TIMM44: variants seen among roughly 807,000 people sequenced by gnomAD.
TIMM44 encodes the protein mitochondrial import inner membrane translocase subunit TIM44.
TIMM44 carries 37 observed loss-of-function variants against 63.8 expected under a neutral mutation model. The observed-to-expected ratio is 0.58, with a 90% CI of 0.45 to 0.76. The LOEUF (loss-of-function observed/expected upper bound fraction) is 0.76, where lower values mean the gene tolerates loss of function less well. Among genes scored for constraint, TIMM44 ranks in the 30% least tolerant of loss-of-function variants. The pLI, the probability that TIMM44 is intolerant of heterozygous loss-of-function variation, is 0.00. For missense variants in TIMM44, 573 were observed against 603.8 expected, an observed-to-expected ratio of 0.95 and a Z score of 0.54; for synonymous variants, 239 against 245.1, an observed-to-expected ratio of 0.98 and a Z score of 0.23.
intron 2 of TIMM44, among the ~76,000 whole-genome samples, chr19:7,939,374 G>T (rs1488307509): frequency 6.6e-6 from 1 of 152,168 alleles, no homozygotes; most frequent in Non-Finnish European, 1.5e-5. Context: ...CACTTTGGGA[G>T]GCCAAGGTGG....
Position 7,932,777 on chromosome 19 carries a change from G to A in TIMM44, c.863-26C>T, listed in dbSNP as rs373498872. 111 of 1,613,452 alleles carry A rather than the reference G, an allele frequency of 6.9e-5. 1 individual carries two copies. Among genetic ancestry groups the A allele is most frequent in the Admixed American group, 4.8e-4 (29 of 60,008 alleles). ...CTGCAGGGAGCAGAGCCGGGAGTTC[G>A]GGGGGAAGGCCGGGGACCCCGCCCC... On this transcript the variant is annotated intron_variant, in intron 8 of 12. Coordinates refer to ENST00000270538, the MANE Select transcript of TIMM44 (RefSeq NM_006351.4).
chr19:7,942,337 C>A (rs996124922), intron 1 of TIMM44, among the ~76,000 whole-genome samples: 1 of 152,088 alleles, frequency 6.6e-6, no homozygotes, highest in Non-Finnish European at 1.5e-5. Flanking sequence ...TGCCTGTAAT[C>A]CCGATACTTT....
intron 10 of TIMM44, 144 bp from the exon 11 acceptor site, chr19:7,928,310 G>T (rs1280163062): frequency 2.1e-5 from 14 of 660,750 alleles, no homozygotes; most frequent in South Asian, 7.2e-5. Context: ...GTCCAAGTGG[G>T]GAGGCAGGTG....
chr19:7,933,391 C>T lies in TIMM44; in HGVS notation c.769+94G>A, dbSNP rs961751154. ...GACCCCGATCTCCTCCTCTGCAAAA[C>T]GGGGCTGTCTTGTGCCCAATGCAGG... is the stretch of plus-strand genomic sequence containing the variant. On this transcript the variant is annotated intron_variant, in intron 7 of 12. Coordinates refer to ENST00000270538, the MANE Select transcript of TIMM44 (RefSeq NM_006351.4). The surrounding 1 kb of genome is among the most constrained non-coding windows in gnomAD (Gnocchi z 4.3). 63 of 1,119,354 alleles carry T rather than the reference C, an allele frequency of 5.6e-5. No homozygotes were observed. Among genetic ancestry groups the T allele is most frequent in the South Asian group, 9.9e-5 (8 of 80,952 alleles). 69.3% of individuals were successfully genotyped at this position (1,119,354 alleles called of 1,614,324 possible).
intron 10 of TIMM44, among the ~76,000 whole-genome samples, chr19:7,929,935 G>A (rs889304156): frequency 5.3e-5 from 8 of 150,286 alleles, no homozygotes; most frequent in African/African-American, 9.8e-5. Context: ...TGCAGCCTCC[G>A]CCTCCTGGGT....
chr19:7,927,077 GGGCAGA>G lies in TIMM44; in HGVS notation c.*104_*109del. The G allele has an allele frequency of 2.0e-6, 3 of 1,468,924 alleles. No individual in the cohort carries two copies. The highest frequency in any genetic ancestry group is 2.8e-6 in the Non-Finnish European group (3 of 1,088,192). 91.0% of individuals were successfully genotyped at this position (1,468,924 alleles called of 1,614,324 possible). A position where few individuals can be genotyped will look rare whatever the true frequency, so the allele number is the denominator to read the frequency against. ...CTTGCAGCCGTCCTGGCAGAGCTGGGGGCAGAGCCCGCAGTCTTGTTCCCAGAGGTC... is the reference window on the plus strand; with the variant it reads ...CTTGCAGCCGTCCTGGCAGAGCTGGGGCCCGCAGTCTTGTTCCCAGAGGTC... On this transcript the variant is annotated 3_prime_UTR_variant, in exon 13 of 13. Transcript: ENST00000270538.
Position 7,927,088 on chromosome 19 carries a change from G to C in TIMM44, c.*99C>G. 22 of 1,490,456 alleles carry C rather than the reference G, an allele frequency of 1.5e-5. No individual in the cohort carries two copies. The highest frequency in any genetic ancestry group is 1.9e-5 in the Non-Finnish European group (21 of 1,106,710). 92.3% of individuals were successfully genotyped at this position (1,490,456 alleles called of 1,614,324 possible). Reference sequence around the variant, plus strand: ...CCTGGCAGAGCTGGGGGCAGAGCCCGCAGTCTTGTTCCCAGAGGTCTGGAG... The same window carrying C: ...CCTGGCAGAGCTGGGGGCAGAGCCCCCAGTCTTGTTCCCAGAGGTCTGGAG... On this transcript the variant is annotated 3_prime_UTR_variant, in exon 13 of 13. Transcript: ENST00000270538.
rs1326019767 is a variant in TIMM44, at chr19:7,934,308, T to C, written c.394-70A>G. The C allele has an allele frequency of 6.3e-7, 1 of 1,578,818 alleles. No homozygotes were observed. Among genetic ancestry groups the C allele is most frequent in the Non-Finnish European group, 8.6e-7 (1 of 1,160,156 alleles). ...CGGCCGGGGGGCGGGGCAGGAGGAA[T>C]GAATTCCTGCCGGAGAGAAGGGCGG... On this transcript the variant is annotated intron_variant, in intron 4 of 12. Coordinates refer to ENST00000270538, the MANE Select transcript of TIMM44 (RefSeq NM_006351.4). The surrounding 1 kb of genome is among the most constrained non-coding windows in gnomAD (Gnocchi z 5.3).
chr19:7,929,547 G>T (rs972333992), intron 10 of TIMM44, among the ~76,000 whole-genome samples: 3 of 152,136 alleles, frequency 2.0e-5, no homozygotes, highest in Non-Finnish European at 4.4e-5. Flanking sequence ...ACCTCTGTGG[G>T]TTCCCTCTGG....
Position 7,933,126 on chromosome 19 carries a change from G to A in TIMM44, c.770-194C>T, listed in dbSNP as rs897046250. Among the ~76,000 whole-genome samples the A allele has an allele frequency of 2.6e-5, 4 of 152,166 alleles. No individual in the cohort carries two copies. Among genetic ancestry groups the A allele is most frequent in the Non-Finnish European group, 5.9e-5 (4 of 68,022 alleles). ...TGCCTGCCCACCTACCTGGCCAGGC[G>A]CAGAGGCCCCTCAGCTGCGGCCCTA... On this transcript the variant is annotated intron_variant, in intron 7 of 12. Transcript: ENST00000270538. The surrounding 1 kb of genome is among the most constrained non-coding windows in gnomAD (Gnocchi z 4.3).
In TIMM44 at chr19:7,943,315, C is replaced by T. The variant is rs1984361729; in HGVS notation, c.45+292G>A. On this transcript the variant is annotated intron_variant, in intron 1 of 12. Coordinates refer to ENST00000270538, the MANE Select transcript of TIMM44 (RefSeq NM_006351.4). The surrounding 1 kb of genome is among the most constrained non-coding windows in gnomAD (Gnocchi z 4.3). ...TTTTTTCCACGGGACGCCGCCGCCCCGGCTACCATTCTCTCTCCTGTATAC... is the reference window on the plus strand; with the variant it reads ...TTTTTTCCACGGGACGCCGCCGCCCTGGCTACCATTCTCTCTCCTGTATAC... Among the ~76,000 whole-genome samples the T allele has an allele frequency of 6.6e-6, 1 of 151,120 alleles. No homozygotes were observed. The highest frequency in any genetic ancestry group is 2.1e-4 in the South Asian group (1 of 4,790).
chr19:7,937,810 G>C (rs1984197518), intron 3 of TIMM44: 1 of 514,654 alleles, frequency 1.9e-6, no homozygotes, highest in Non-Finnish European at 3.5e-6. Context: ...TTGAGGTCAG[G>C]AGTTCGAGAC....
chr19:7,933,947 G>C lies in TIMM44; in HGVS notation c.600C>G (p.Pro200=). 2 of 1,614,172 alleles carry C rather than the reference G, an allele frequency of 1.2e-6. No individual in the cohort carries two copies. Among genetic ancestry groups the C allele is most frequent in the Non-Finnish European group, 1.7e-6 (2 of 1,180,030 alleles). The part of the protein sequence containing the change: ...IDDSVLGQTG[P]YRRPQRLRKR... ...TCCGGAGTCGCTGGGGCCTCCGGTAGGGCCCGGTCTGTCCCAGGACGCTGT... is the reference window on the plus strand; with the variant it reads ...TCCGGAGTCGCTGGGGCCTCCGGTACGGCCCGGTCTGTCCCAGGACGCTGT... Residue 200 remains proline (P), a synonymous_variant, in exon 6 of 13, where the codon CCC becomes CCG. Transcript: ENST00000270538. The surrounding 1 kb of genome is among the most constrained non-coding windows in gnomAD (Gnocchi z 4.3).
At position 7,934,432 on chromosome 19, in the gene TIMM44, ACCG is replaced by A. The variant is rs1237910510; in HGVS notation, c.394-197_394-195del. 4.6e-4 allele frequency among the ~76,000 whole-genome samples: 69 copies of A among 149,472 alleles called. No homozygotes were observed. The highest frequency in any genetic ancestry group is 6.5e-4 in the African/African-American group (26 of 40,284). ...ACGGCACCCCCAGAGCCACGAGCACACCGCCACCCCCAGAGCCACGAGCACACC... is the reference window on the plus strand; with the variant it reads ...ACGGCACCCCCAGAGCCACGAGCACACCACCCCCAGAGCCACGAGCACACC... On this transcript the variant is annotated intron_variant, in intron 4 of 12. Coordinates refer to ENST00000270538, the MANE Select transcript of TIMM44 (RefSeq NM_006351.4). This position sits in a 1 kb window ranked among gnomAD's most constrained non-coding sequence, Gnocchi z 5.3.
In TIMM44 at chr19:7,933,889, C is replaced by G. The variant is rs1201351937; in HGVS notation, c.658G>C (p.Glu220Gln). Residue 220 changes from glutamate to glutamine, a missense_variant, in exon 6 of 13, where the codon GAG (glutamate) becomes CAG (glutamine). Physicochemically the swap from Glu to Gln is conservative, Grantham distance 29 (BLOSUM62 2). Coordinates refer to ENST00000270538, the MANE Select transcript of TIMM44 (RefSeq NM_006351.4). The surrounding 1 kb of genome is among the most constrained non-coding windows in gnomAD (Gnocchi z 4.3). The part of the protein sequence containing the change: ...RTEFAGDKFK[E>Q]EKVFEPNEEA... ...TCGTTTGGCTCAAACACTTTCTCCT[C>G]CTTGAACTTATCTCCCGCAAACTCC... 4 of 1,614,190 alleles carry G rather than the reference C, an allele frequency of 2.5e-6. No individual in the cohort carries two copies. Among genetic ancestry groups the G allele is most frequent in the African/African-American group, 1.3e-5 (1 of 75,048 alleles).
intron 1 of TIMM44, among the ~76,000 whole-genome samples, chr19:7,941,558 G>A (rs987766899): frequency 3.3e-5 from 5 of 151,946 alleles, no homozygotes; most frequent in Admixed American, 6.6e-5. Context: ...CCAAAGTGCT[G>A]GGATTACAGG....
chr19:7,940,980 G>GAA, intron 2 of TIMM44, 122 bp downstream of exon 2: 1 of 768,684 alleles, frequency 1.3e-6, no homozygotes. Flanking sequence ...CCCGGACACA[G>GAA]AAGGCCCACC....
At position 7,934,783 on chromosome 19, in the gene TIMM44, C is replaced by T. The variant is rs1170944358; in HGVS notation, c.393+282G>A. On this transcript the variant is annotated intron_variant, in intron 4 of 12. Coordinates refer to ENST00000270538, the MANE Select transcript of TIMM44 (RefSeq NM_006351.4). The surrounding 1 kb of genome is among the most constrained non-coding windows in gnomAD (Gnocchi z 5.3). ...AGGGGGTGGAAGCGGCCCCTCTCCT[C>T]CTATTTTTAGGCAGGAAAAACATTT... Among the ~76,000 whole-genome samples, 1 of 152,194 alleles carries T rather than the reference C, an allele frequency of 6.6e-6. No homozygotes were observed. Among genetic ancestry groups the T allele is most frequent in the Non-Finnish European group, 1.5e-5 (1 of 68,014 alleles).
At chr19:7,930,970 CA>C (rs1215699433) in intron 10 of TIMM44, among the ~76,000 whole-genome samples, 167 bp downstream of exon 10, 4 of 151,670 alleles carry the variant, frequency 2.6e-5, no homozygotes, top group Non-Finnish European at 5.9e-5. Context: ...TGGAAAGGGG[CA>C]GGGGGGGATG....
Sources: allele counts gnomAD v4.1 joint callset (sites outside exome capture counted in the v4.1 genomes callset), GRCh38; gene constraint gnomAD v4.1.1; non-coding constraint Gnocchi (gnomAD v3.1); transcripts MANE v1.5; gene names NCBI Gene and HGNC (gene_info 2026-07-23, HGNC 2026-07-21).